The following ATRNL1 variants were observed in gnomAD, a reference collection of about 807,000 sequenced individuals.
ATRNL1 encodes the protein attractin-like protein 1.
ATRNL1 carries 95 observed loss-of-function variants against 182.7 expected under a neutral mutation model. That is an observed-to-expected ratio of 0.52 (90% CI 0.44 to 0.62). The LOEUF (loss-of-function observed/expected upper bound fraction) is 0.62, where lower values mean the gene tolerates loss of function less well. Among genes scored for constraint, ATRNL1 ranks in the 20% least tolerant of loss-of-function variants. The pLI is 0.00. For missense variants in ATRNL1, 1,471 were observed against 1,679.5 expected, an observed-to-expected ratio of 0.88 and a Z score of 2.17; for synonymous variants, 576 against 568.3, an observed-to-expected ratio of 1.01 and a Z score of -0.19.
chr10:115,575,675 G>A (rs1854657495), intron 26 of ATRNL1, among the ~76,000 whole-genome samples: 1 of 151,876 alleles, frequency 6.6e-6, no homozygotes, highest in South Asian at 2.1e-4. Context: ...TGTGTTTAAG[G>A]TGTGCAAGAT....
intron 26 of ATRNL1, among the ~76,000 whole-genome samples, chr10:115,551,235 CA>C (rs1321118518): frequency 1.3e-5 from 2 of 151,512 alleles, no homozygotes; most frequent in Admixed American, 1.3e-4. Context: ...CTCAAAATGA[CA>C]AATTGATTTT....
chr10:115,664,247 G>A (rs2133912291), intron 26 of ATRNL1, among the ~76,000 whole-genome samples: 1 of 152,274 alleles, frequency 6.6e-6, no homozygotes, highest in East Asian at 1.9e-4. Context: ...GTTCTCCATG[G>A]CTGAGTCAGA....
At chr10:115,518,379 G>A (rs1004571467) in intron 24 of ATRNL1, among the ~76,000 whole-genome samples, 4 of 151,854 alleles carry the variant, frequency 2.6e-5, no homozygotes, top group Admixed American at 2.6e-4. Context: ...AAGAAAAAGA[G>A]ATTTTAATAC....
chr10:115,235,714 C>G (rs927447525), intron 9 of ATRNL1, among the ~76,000 whole-genome samples: 23 of 152,018 alleles, frequency 1.5e-4, no homozygotes, highest in African/African-American at 5.3e-4. Context: ...GAAAGGTTAA[C>G]TTTTATATCT....
intron 18 of ATRNL1, among the ~76,000 whole-genome samples, chr10:115,331,754 C>T (rs1215578346): frequency 6.6e-6 from 1 of 152,030 alleles, no homozygotes; most frequent in Non-Finnish European, 1.5e-5. Flanking sequence ...CATACTGACT[C>T]TTGTATTTCA....
At chr10:115,825,253 G>A (rs1950402340) in intron 27 of ATRNL1, among the ~76,000 whole-genome samples, 1 of 152,032 alleles carries the variant, frequency 6.6e-6, no homozygotes, top group Non-Finnish European at 1.5e-5. Context: ...GATGCAGAGA[G>A]GGGAACATCT....
chr10:115,902,054 C>A (rs1173177319), intron 28 of ATRNL1, among the ~76,000 whole-genome samples: 1 of 152,156 alleles, frequency 6.6e-6, no homozygotes, highest in Admixed American at 6.5e-5. Context: ...TTTAACTTAG[C>A]TCGTTATAAT....
chr10:115,613,414 T>C (rs1555019674), intron 26 of ATRNL1, among the ~76,000 whole-genome samples: 1 of 152,164 alleles, frequency 6.6e-6, no homozygotes, highest in Admixed American at 6.5e-5. Context: ...TGATGCTCTG[T>C]TAGATTCGCT....
intron 17 of ATRNL1, among the ~76,000 whole-genome samples, chr10:115,302,929 T>C (rs1359544443): frequency 1.3e-5 from 2 of 152,124 alleles, no homozygotes; most frequent in East Asian, 3.9e-4. Context: ...TGCAATCCAC[T>C]CTTTGACACT....
chr10:115,267,968 C>A (rs537421389), intron 12 of ATRNL1, among the ~76,000 whole-genome samples: 1 of 151,920 alleles, frequency 6.6e-6, no homozygotes, highest in African/African-American at 2.4e-5. Context: ...GTGATGTTGG[C>A]CAGGCTTGTC....
In ATRNL1 at chr10:115,314,854, T is replaced by C. The variant is rs112464770; in HGVS notation, c.2819-664T>C. ...ACAACAAAGGTTGAGTATCTGCAAA[T>C]GAGTCATGGAGTGTTATTTTATAGC... On this transcript the variant is annotated intron_variant, in intron 17 of 28. Coordinates refer to ENST00000355044, the MANE Select transcript of ATRNL1 (RefSeq NM_207303.4). Among the ~76,000 whole-genome samples, 129 of 152,232 alleles carry C rather than the reference T, an allele frequency of 8.5e-4. 2 individuals carry two copies. In the South Asian group the frequency reaches 0.021, roughly 25 times the overall value.
intron 2 of ATRNL1, among the ~76,000 whole-genome samples, chr10:115,120,658 A>G (rs1342229981): frequency 6.6e-6 from 1 of 152,090 alleles, no homozygotes; most frequent in Non-Finnish European, 1.5e-5. Flanking sequence ...TGTAGAAGAG[A>G]GAGTTAATTA....
chr10:115,783,371 G>T (rs929422555), intron 27 of ATRNL1, among the ~76,000 whole-genome samples: 2 of 152,124 alleles, frequency 1.3e-5, no homozygotes, highest in Non-Finnish European at 2.9e-5. Flanking sequence ...CAAATAAAAA[G>T]AGTTCAGATT....
At chr10:115,209,932 T>C (rs1342402844) in intron 8 of ATRNL1, among the ~76,000 whole-genome samples, 4 of 152,032 alleles carry the variant, frequency 2.6e-5, no homozygotes, top group African/African-American at 9.7e-5. Context: ...ATACCACTTA[T>C]GAATTCCTTG....
chr10:115,279,369 C>T (rs1336682952), intron 13 of ATRNL1, among the ~76,000 whole-genome samples: 1 of 152,024 alleles, frequency 6.6e-6, no homozygotes, highest in African/African-American at 2.4e-5. Flanking sequence ...ATATCAACAA[C>T]AAGCCAGAAG....
intron 27 of ATRNL1, among the ~76,000 whole-genome samples, chr10:115,733,647 G>C (rs1947864437): frequency 6.6e-6 from 1 of 152,110 alleles, no homozygotes; most frequent in African/African-American, 2.4e-5. Flanking sequence ...CACAGCCAGT[G>C]GTCCCCCTGG....
chr10:115,559,450 G>GCGCGCGCGCA (rs1554998460), intron 26 of ATRNL1, among the ~76,000 whole-genome samples: 9 of 128,620 alleles, frequency 7.0e-5, no homozygotes, highest in Non-Finnish European at 1.2e-4. Flanking sequence ...GTGTGCGCGC[G>GCGCGCGCGCA]CGCACGCACG....
At chr10:115,675,818 C>T (rs1336501733) in intron 26 of ATRNL1, among the ~76,000 whole-genome samples, 1 of 151,970 alleles carries the variant, frequency 6.6e-6, no homozygotes, top group Non-Finnish European at 1.5e-5. Flanking sequence ...CTTATAACAA[C>T]CTTATTAAAT....
At chr10:115,211,719 G>A (rs989217633) in intron 8 of ATRNL1, among the ~76,000 whole-genome samples, 7 of 151,200 alleles carry the variant, frequency 4.6e-5, no homozygotes, top group South Asian at 2.1e-4. Flanking sequence ...CCATTAACTC[G>A]TCATTTAACA....
Sources: gnomAD v4.1 joint callset for allele counts (sites outside exome capture counted in the v4.1 genomes callset) on GRCh38, gnomAD v4.1.1 for gene constraint, MANE v1.5 for transcripts, NCBI Gene and HGNC (gene_info 2026-07-23, HGNC 2026-07-21) for gene names.